DST: variants seen among roughly 807,000 people sequenced by gnomAD.
DST encodes the protein bullous pemphigoid antigen.
In DST, 253 loss-of-function variants were observed where a neutral mutation model predicts 875.2. That is an observed-to-expected ratio of 0.29 (90% CI 0.26 to 0.32). The LOEUF is 0.32. Ranked by LOEUF, DST falls within the 10% of genes least tolerant of loss-of-function variation. The pLI, the probability that DST is intolerant of heterozygous loss-of-function variation, is 1.00. For synonymous variants in DST, 3,124 were observed against 3,197.1 expected, an observed-to-expected ratio of 0.98 and a Z score of 0.77; for missense variants, 8,287 against 9,111.6, an observed-to-expected ratio of 0.91 and a Z score of 3.68.
At chr6:56,875,498 C>T (rs1779261029) in intron 3 of DST, among the ~76,000 whole-genome samples, 1 of 152,198 alleles carries the variant, frequency 6.6e-6, no homozygotes, top group Admixed American at 6.5e-5. Flanking sequence ...TGCAACTGGG[C>T]AGTTGAAATA....
At chr6:56,901,916 A>T (rs778327860) in intron 2 of DST, among the ~76,000 whole-genome samples, 1 of 152,204 alleles carries the variant, frequency 6.6e-6, no homozygotes, top group Non-Finnish European at 1.5e-5. Context: ...GAAATCTAAC[A>T]TAGAGTTCAT....
intron 85 of DST, 115 bp from the exon 86 acceptor site, chr6:56,489,724 C>A: frequency 2.9e-6 from 3 of 1,025,628 alleles, no homozygotes; most frequent in Non-Finnish European, 4.0e-6. Flanking sequence ...ATTATTATTT[C>A]AAAATTTCCA....
intron 2 of DST, among the ~76,000 whole-genome samples, chr6:56,940,788 T>C (rs1003835522): frequency 1.3e-5 from 2 of 151,554 alleles, no homozygotes; most frequent in South Asian, 2.1e-4. Flanking sequence ...TGGGATCTCA[T>C]TGTGTTGCCA....
intron 7 of DST, among the ~76,000 whole-genome samples, 161 bp downstream of exon 7, chr6:56,703,487 T>A (rs895277656): frequency 6.6e-6 from 1 of 152,218 alleles, no homozygotes; most frequent in African/African-American, 2.4e-5. Flanking sequence ...ATATTTCCTT[T>A]ATCCAATTTT....
In DST at chr6:56,546,066, G is replaced by A. The variant is rs187345077; in HGVS notation, c.16608+6118C>T. On this transcript the variant is annotated intron_variant, in intron 61 of 103. Coordinates refer to ENST00000680361, the MANE Select transcript of DST (RefSeq NM_001374736.1). ...TAACTATTTATTTCATGGGAATACAGTTTATATTTAGAAGAAAGTAGAATA... is the reference window on the plus strand; with the variant it reads ...TAACTATTTATTTCATGGGAATACAATTTATATTTAGAAGAAAGTAGAATA... 4.9e-3 allele frequency among the ~76,000 whole-genome samples: 740 copies of A among 151,988 alleles called. 3 individuals carry two copies. The highest frequency in any genetic ancestry group is 0.017 in the African/African-American group (706 of 41,494).
chr6:56,838,852 A>C (rs17684884), intron 4 of DST, among the ~76,000 whole-genome samples: 25,832 of 152,192 alleles, frequency 0.17, 2,431 homozygotes, highest in African/African-American at 0.2. Context: ...TGAAAATACT[A>C]AGAAACCTCA....
intron 10 of DST, among the ~76,000 whole-genome samples, chr6:56,653,842 G>A (rs151040958): frequency 3.9e-4 from 60 of 152,318 alleles, no homozygotes; most frequent in Non-Finnish European, 7.2e-4. Flanking sequence ...CGCCTGTGCT[G>A]TGTGTGTCCT....
intron 3 of DST, among the ~76,000 whole-genome samples, chr6:56,858,291 T>G (rs746412030): frequency 2.6e-5 from 4 of 152,142 alleles, no homozygotes; most frequent in Non-Finnish European, 4.4e-5. Context: ...AGTCAAAGGT[T>G]TCTTTCTAGG....
intron 9 of DST, among the ~76,000 whole-genome samples, chr6:56,695,848 T>C (rs1206263938): frequency 2.0e-5 from 3 of 152,362 alleles, no homozygotes; most frequent in African/African-American, 7.2e-5. Flanking sequence ...TGAAATTGCT[T>C]CCATTATTTA....
chr6:56,798,028 C>G (rs192576301), intron 4 of DST, among the ~76,000 whole-genome samples: 37 of 152,120 alleles, frequency 2.4e-4, no homozygotes, highest in Admixed American at 9.8e-4. Flanking sequence ...GCAGTAGGTT[C>G]GTAAGATTTA....
intron 5 of DST, among the ~76,000 whole-genome samples, chr6:56,720,667 G>A (rs2099411351): frequency 6.6e-6 from 1 of 152,136 alleles, no homozygotes; most frequent in Non-Finnish European, 1.5e-5. Context: ...GCACGGGGTT[G>A]GGGGTAAGGT....
intron 4 of DST, among the ~76,000 whole-genome samples, chr6:56,786,126 G>A (rs750106212): frequency 9.9e-5 from 15 of 152,278 alleles, no homozygotes; most frequent in Admixed American, 2.0e-4. Context: ...ATATGTGCAC[G>A]TGTGCATATA....
Position 56,555,803 on chromosome 6 carries a change from T to C in DST, c.14678A>G (p.Tyr4893Cys), listed in dbSNP as rs1455254829. ...LQEFATRKPQ[Y>C]EQLTAAGQGI... is the part of the protein sequence containing the mutation. ...CTGACCAGCTGCTGTCAGCTGTTCA[T>C]ATTGAGGTTTCCGAGTGGCGAATTC... The change falls in exon 60 of 104, where the codon TAT becomes TGT. Residue 4893 changes from tyrosine to cysteine, a missense_variant. Coordinates refer to ENST00000680361, the MANE Select transcript of DST (RefSeq NM_001374736.1). The C allele has an allele frequency of 1.3e-6, 2 of 1,526,158 alleles. No individual in the cohort carries two copies. Among genetic ancestry groups the C allele is most frequent in the East Asian group, 2.3e-5 (1 of 43,844 alleles). 94.5% of individuals were successfully genotyped at this position (1,526,158 alleles called of 1,614,324 possible). A position where few individuals can be genotyped will look rare whatever the true frequency, so the allele number is the denominator to read the frequency against.
intron 4 of DST, among the ~76,000 whole-genome samples, chr6:56,818,822 T>C (rs769692889): frequency 6.6e-6 from 1 of 152,206 alleles, no homozygotes; most frequent in Non-Finnish European, 1.5e-5. Flanking sequence ...TACCTTTTAG[T>C]GAACTGCATA....
At chr6:56,634,775 G>C in intron 25 of DST, 26 bp downstream of exon 25, 2 of 1,611,076 alleles carry the variant, frequency 1.2e-6, no homozygotes, top group East Asian at 2.2e-5. Context: ...GACAGAAACT[G>C]GTCTGTTTCT....
chr6:56,508,903 T>C (rs2096404156), intron 74 of DST, 148 bp from the exon 75 acceptor site: 2 of 621,978 alleles, frequency 3.2e-6, no homozygotes, highest in Non-Finnish European at 2.8e-6. Context: ...GTCCAGTGGA[T>C]ATCAGTGGGT....
intron 5 of DST, among the ~76,000 whole-genome samples, chr6:56,718,601 C>G (rs529944393): frequency 6.6e-6 from 1 of 152,244 alleles, no homozygotes; most frequent in African/African-American, 2.4e-5. Context: ...CAAAGTCTTG[C>G]ACATTTATGT....
At chr6:56,885,394 A>T (rs774618319) in intron 3 of DST, among the ~76,000 whole-genome samples, 3 of 152,192 alleles carry the variant, frequency 2.0e-5, no homozygotes, top group Non-Finnish European at 4.4e-5. Flanking sequence ...AAGACCTACC[A>T]TACTGTTTTC....
intron 2 of DST, among the ~76,000 whole-genome samples, chr6:56,942,082 T>G (rs1816894128): frequency 6.6e-6 from 1 of 152,228 alleles, no homozygotes; most frequent in African/African-American, 2.4e-5. Context: ...CCTCTTTGTC[T>G]CTGTTAATAC....
Sources: gnomAD v4.1 joint callset for allele counts (sites outside exome capture counted in the v4.1 genomes callset) on GRCh38, gnomAD v4.1.1 for gene constraint, MANE v1.5 for transcripts, NCBI Gene and HGNC (gene_info 2026-07-23, HGNC 2026-07-21) for gene names.